The following ZFP1 variants were observed in gnomAD, a reference collection of about 807,000 sequenced individuals.
ZFP1 encodes the protein zinc finger protein 1 homolog.
Under a neutral mutation model 38.5 loss-of-function variants are expected in ZFP1, and 32 were observed. That is an observed-to-expected ratio of 0.83 (90% CI 0.63 to 1.12). ZFP1 has a LOEUF of 1.12. ZFP1 is among the 50% of genes most tolerant of loss of function. The pLI is 0.00. For missense variants in ZFP1, 616 were observed against 480.8 expected (o/e 1.28, Z -2.63); for synonymous variants, 245 against 168.8 (o/e 1.45, Z -3.50).
At chr16:75,161,360 C>T (rs574257687) in intron 2 of ZFP1, among the ~76,000 whole-genome samples, 15 of 151,816 alleles carry the variant, frequency 9.9e-5, no homozygotes, top group South Asian at 8.3e-4. Context: ...TGAGCCACTG[C>T]GCCCGGCCAA....
the ZFP1 span, among the ~76,000 whole-genome samples, chr16:75,124,018 C>G: frequency 6.6e-6 from 1 of 151,672 alleles, no homozygotes; most frequent in South Asian, 2.1e-4. Context: ...CACTTGAACC[C>G]AGGAAGCAGA....
chr16:75,156,308 T>A (rs2145519957), intron 2 of ZFP1, among the ~76,000 whole-genome samples: 1 of 152,126 alleles, frequency 6.6e-6, no homozygotes, highest in African/African-American at 2.4e-5. Context: ...ACAAAAAAAA[T>A]TAGCCGGGCG....
chr16:75,132,229 G>C, the ZFP1 span, among the ~76,000 whole-genome samples: 16 of 151,558 alleles, frequency 1.1e-4, no homozygotes, highest in Non-Finnish European at 1.9e-4. Context: ...CTCTACCAAA[G>C]ATATAAAAAA....
At chr16:75,142,128 C>T in the ZFP1 span, among the ~76,000 whole-genome samples, 2 of 148,296 alleles carry the variant, frequency 1.3e-5, no homozygotes, top group South Asian at 4.3e-4. Context: ...GAGGCCAAGG[C>T]AGGCAGACCA....
intron 3 of ZFP1, 155 bp downstream of exon 3, chr16:75,167,051 A>T: frequency 7.3e-7 from 1 of 1,379,146 alleles, no homozygotes; most frequent in Non-Finnish European, 9.7e-7. Flanking sequence ...AAGCTCTATC[A>T]TCTCCTTTCC....
chr16:75,166,668 T>G, intron 2 of ZFP1, 102 bp from the exon 3 acceptor site: 1 of 1,588,572 alleles, frequency 6.3e-7, no homozygotes, highest in East Asian at 2.2e-5. Flanking sequence ...GTATCGTTGG[T>G]GTAATATATA....
chr16:75,169,408 A>C lies in ZFP1; in HGVS notation c.298A>C (p.Arg100=), dbSNP rs779559929. The part of the protein sequence containing the change: ...LNLNTDFVSL[R]QVPYKYDLYE... ...TCTGAACACAGACTTTGTTTCTTTA[A>C]GACAAGTACCTTATAAATATGACTT... The change falls in exon 4 of 4, where the codon AGA becomes CGA. Residue 100 remains arginine, a synonymous_variant. Coordinates refer to ENST00000570010, the MANE Select transcript of ZFP1 (RefSeq NM_153688.4). The C allele has an allele frequency of 6.2e-7, 1 of 1,614,070 alleles. No homozygotes were observed. The highest frequency in any genetic ancestry group is 8.5e-7 in the Non-Finnish European group (1 of 1,179,994).
chr16:75,170,596 ATGAAT>A lies in ZFP1; in HGVS notation c.*266_*270del. On this transcript the variant is annotated 3_prime_UTR_variant, in exon 4 of 4. Coordinates refer to ENST00000570010, the MANE Select transcript of ZFP1 (RefSeq NM_153688.4). The stretch of plus-strand genomic sequence containing the variant: ...TACAATGAGCTTTTTAAAATCTTGA[ATGAAT>A]TGAGTATTCTAGACAGCAGCATAAG... 2.6e-6 allele frequency: 1 copy of A among 378,252 alleles called. No individual in the cohort carries two copies. Among genetic ancestry groups the A allele is most frequent in the East Asian group, 4.2e-5 (1 of 23,772 alleles). 23.4% of individuals were successfully genotyped at this position (378,252 alleles called of 1,614,324 possible). A position where few individuals can be genotyped will look rare whatever the true frequency, so the allele number is the denominator to read the frequency against.
At chr16:75,152,644 C>G (rs1281878778) in intron 1 of ZFP1, among the ~76,000 whole-genome samples, 1 of 152,190 alleles carries the variant, frequency 6.6e-6, no homozygotes, top group Non-Finnish European at 1.5e-5. Context: ...CTGATAATTT[C>G]AGCAGTTGAG....
At chr16:75,155,477 A>C (rs1463061669) in intron 2 of ZFP1, among the ~76,000 whole-genome samples, 1 of 152,222 alleles carries the variant, frequency 6.6e-6, no homozygotes, top group Non-Finnish European at 1.5e-5. Context: ...ATATCTTTGA[A>C]GTATTTCCAT....
At chr16:75,143,505 CA>C (rs1458034993), upstream of ZFP1, among the ~76,000 whole-genome samples, 1 of 152,154 alleles carries the variant, frequency 6.6e-6, no homozygotes, top group Non-Finnish European at 1.5e-5. Context: ...CTTGGCCCCC[CA>C]AAGTGCTGGA....
chr16:75,166,311 C>T (rs977411308), intron 2 of ZFP1, among the ~76,000 whole-genome samples: 2 of 152,170 alleles, frequency 1.3e-5, no homozygotes, highest in African/African-American at 4.8e-5. Context: ...TGGCTCACTG[C>T]AGCCTCTGCC....
the ZFP1 span, among the ~76,000 whole-genome samples, chr16:75,141,852 A>G: frequency 6.6e-6 from 1 of 151,508 alleles, no homozygotes; most frequent in African/African-American, 2.4e-5. Flanking sequence ...GGAGTTCAAG[A>G]CCAGCCTGGC....
the ZFP1 span, among the ~76,000 whole-genome samples, chr16:75,127,250 G>C: frequency 6.6e-6 from 1 of 152,094 alleles, no homozygotes; most frequent in Non-Finnish European, 1.5e-5. Context: ...ACTCTAACAG[G>C]TGCTCTTTTT....
chr16:75,138,679 C>T, the ZFP1 span, among the ~76,000 whole-genome samples: 1 of 152,112 alleles, frequency 6.6e-6, no homozygotes, highest in Non-Finnish European at 1.5e-5. Flanking sequence ...AGAAATGGAC[C>T]CCGGAGGGGA....
At chr16:75,128,886 G>T in the ZFP1 span, among the ~76,000 whole-genome samples, 2 of 152,218 alleles carry the variant, frequency 1.3e-5, no homozygotes, top group African/African-American at 4.8e-5. Flanking sequence ...CGCCTCCGGG[G>T]TTCAAGCTAT....
intron 2 of ZFP1, among the ~76,000 whole-genome samples, chr16:75,158,126 A>G (rs1384550370): frequency 6.6e-6 from 1 of 150,838 alleles, no homozygotes; most frequent in Non-Finnish European, 1.5e-5. Flanking sequence ...TATGGTATAT[A>G]TTTTATTTTT....
rs2038366166 is a variant in ZFP1, at chr16:75,170,489, A to G, written c.*155A>G. 3 of 1,139,866 alleles carry G rather than the reference A, an allele frequency of 2.6e-6. No individual in the cohort carries two copies. In the South Asian group the frequency reaches 7.7e-5, roughly 29 times the overall value. The allele number at this position is 1,139,866 out of a possible 1,614,324, so 70.6% of individuals were successfully genotyped here. A position where few individuals can be genotyped will look rare whatever the true frequency, so the allele number is the denominator to read the frequency against. On this transcript the variant is annotated 3_prime_UTR_variant, in exon 4 of 4. Transcript: ENST00000570010. ...AAAAATAGGATCCCATGAGAACATTATACTGGAAGTTACATGTGATACCCA... is the reference window on the plus strand; with the variant it reads ...AAAAATAGGATCCCATGAGAACATTGTACTGGAAGTTACATGTGATACCCA...
chr16:75,166,395 G>T (rs114947581), intron 2 of ZFP1, among the ~76,000 whole-genome samples: 1 of 152,032 alleles, frequency 6.6e-6, no homozygotes, highest in East Asian at 1.9e-4. Context: ...CACCATGCCC[G>T]ACTAAATTTT....
Sources: gnomAD v4.1 joint callset for allele counts (sites outside exome capture counted in the v4.1 genomes callset) on GRCh38, gnomAD v4.1.1 for gene constraint, MANE v1.5 for transcripts, NCBI Gene and HGNC (gene_info 2026-07-23, HGNC 2026-07-21) for gene names.